The following ATP6V1H variants were observed in gnomAD, a reference collection of about 807,000 sequenced individuals.
ATP6V1H encodes V-type proton ATPase subunit H.
A neutral mutation model predicts 71.7 loss-of-function variants in ATP6V1H; 39 were observed. The ratio of observed to expected loss-of-function variants is 0.54; its 90% CI spans 0.42 to 0.71. ATP6V1H has a LOEUF of 0.71. Among genes scored for constraint, ATP6V1H ranks in the 30% least tolerant of loss-of-function variants. The pLI, the probability that ATP6V1H is intolerant of heterozygous loss-of-function variation, is 0.00. For missense variants in ATP6V1H, 509 were observed against 594.9 expected (o/e 0.86, Z 1.50); for synonymous variants, 192 against 199.3 (o/e 0.96, Z 0.31).
intron 4 of ATP6V1H, among the ~76,000 whole-genome samples, chr8:53,829,053 A>G (rs950861100): frequency 6.6e-6 from 1 of 152,240 alleles, no homozygotes; most frequent in Non-Finnish European, 1.5e-5. Flanking sequence ...CCGAACCTCC[A>G]GGGCCCGGCA....
At chr8:53,793,742 C>T (rs1809641469) in intron 9 of ATP6V1H, among the ~76,000 whole-genome samples, 1 of 152,046 alleles carries the variant, frequency 6.6e-6, no homozygotes, top group South Asian at 2.1e-4. Flanking sequence ...AGTTCGAGAC[C>T]AGCCTGGGAA....
At chr8:53,791,062 T>TG (rs1358481371) in intron 9 of ATP6V1H, among the ~76,000 whole-genome samples, 1 of 148,776 alleles carries the variant, frequency 6.7e-6, no homozygotes, top group East Asian at 2.3e-4. Flanking sequence ...AATGGTAGAA[T>TG]TAAAAAAAAG....
intron 13 of ATP6V1H, among the ~76,000 whole-genome samples, chr8:53,725,276 C>G (rs1295418532): frequency 2.0e-5 from 3 of 152,102 alleles, no homozygotes; most frequent in Non-Finnish European, 2.9e-5. Context: ...GGGCACTCAG[C>G]CCCCTGGCCA....
At chr8:53,795,946 T>C in intron 8 of ATP6V1H, 107 bp from the exon 9 acceptor site, 1 of 993,756 alleles carries the variant, frequency 1.0e-6, no homozygotes, top group Middle Eastern at 2.9e-4. Context: ...CTGAATTATG[T>C]CCTGTTTCTT....
intron 8 of ATP6V1H, among the ~76,000 whole-genome samples, chr8:53,800,823 C>A (rs7843701): frequency 0.09 from 13,675 of 152,128 alleles, 950 homozygotes; most frequent in East Asian, 0.37. Context: ...ATTCTTAGTT[C>A]CGTCAATTTT....
intron 13 of ATP6V1H, among the ~76,000 whole-genome samples, chr8:53,719,332 G>A (rs904798360): frequency 6.6e-6 from 1 of 151,860 alleles, no homozygotes; most frequent in Non-Finnish European, 1.5e-5. Flanking sequence ...CACCACGCTC[G>A]GCTAATTTTT....
chr8:53,769,931 T>A (rs1808595440), intron 10 of ATP6V1H, among the ~76,000 whole-genome samples, 188 bp from the exon 11 acceptor site: 1 of 152,120 alleles, frequency 6.6e-6, no homozygotes. Context: ...GAAATTTTAT[T>A]CAGTGTAGTA....
chr8:53,810,305 G>A (rs531812102), intron 7 of ATP6V1H, among the ~76,000 whole-genome samples: 1 of 152,276 alleles, frequency 6.6e-6, no homozygotes, highest in East Asian at 1.9e-4. Context: ...CAGTTCCTGA[G>A]CTATTCCTAG....
intron 12 of ATP6V1H, among the ~76,000 whole-genome samples, chr8:53,746,740 G>T (rs1416563471): frequency 6.6e-6 from 1 of 151,656 alleles, no homozygotes; most frequent in Non-Finnish European, 1.5e-5. Flanking sequence ...ATTATTTTCA[G>T]ATTATACAAA....
chr8:53,802,384 G>A (rs1809940950), intron 7 of ATP6V1H, among the ~76,000 whole-genome samples: 1 of 152,166 alleles, frequency 6.6e-6, no homozygotes, highest in African/African-American at 2.4e-5. Flanking sequence ...ATCCTCATGA[G>A]AAAAACACTG....
intron 9 of ATP6V1H, among the ~76,000 whole-genome samples, chr8:53,781,466 A>G (rs1257925570): frequency 6.6e-6 from 1 of 152,206 alleles, no homozygotes; most frequent in African/African-American, 2.4e-5. Context: ...GTAGGTTGCA[A>G]AAATGTTCTC....
chr8:53,811,456 T>C (rs1443971690), intron 6 of ATP6V1H, among the ~76,000 whole-genome samples: 1 of 152,312 alleles, frequency 6.6e-6, no homozygotes, highest in East Asian at 1.9e-4. Flanking sequence ...GGAACAATAA[T>C]AAACTGACTA....
intron 13 of ATP6V1H, among the ~76,000 whole-genome samples, chr8:53,722,567 T>C (rs1026302871): frequency 6.6e-6 from 1 of 152,140 alleles, no homozygotes; most frequent in Non-Finnish European, 1.5e-5. Context: ...TTGAATTATA[T>C]TTAGAAAGAC....
At chr8:53,776,042 C>T (rs1808872341) in intron 9 of ATP6V1H, among the ~76,000 whole-genome samples, 1 of 152,210 alleles carries the variant, frequency 6.6e-6, no homozygotes, top group South Asian at 2.1e-4. Flanking sequence ...AGGCCTGCCC[C>T]GCGGGAAGGC....
intron 4 of ATP6V1H, among the ~76,000 whole-genome samples, chr8:53,823,209 C>A (rs1032905102): frequency 6.6e-6 from 1 of 151,826 alleles, no homozygotes; most frequent in Non-Finnish European, 1.5e-5. Context: ...CTCAAGGACA[C>A]CTGGTATATT....
chr8:53,777,014 T>C (rs1808913159), intron 9 of ATP6V1H, among the ~76,000 whole-genome samples: 2 of 152,056 alleles, frequency 1.3e-5, no homozygotes, highest in South Asian at 2.1e-4. Flanking sequence ...CAGAGACAGA[T>C]ACAAAAAAAT....
At chr8:53,747,475 CTTT>C (rs1390403365) in intron 12 of ATP6V1H, among the ~76,000 whole-genome samples, 1 of 150,014 alleles carries the variant, frequency 6.7e-6, no homozygotes, top group African/African-American at 2.5e-5. Context: ...TCTTCTCACT[CTTT>C]TTTATTTTTT....
At chr8:53,791,635 G>A (rs1809567007) in intron 9 of ATP6V1H, among the ~76,000 whole-genome samples, 2 of 152,292 alleles carry the variant, frequency 1.3e-5, no homozygotes, top group South Asian at 4.1e-4. Context: ...GCACTTCCAA[G>A]ATAACTATTC....
chr8:53,807,505 C>T (rs745878092), intron 7 of ATP6V1H, among the ~76,000 whole-genome samples: 6 of 151,924 alleles, frequency 3.9e-5, no homozygotes, highest in Non-Finnish European at 8.8e-5. Context: ...CACTAAAACA[C>T]GGATGAATCT....
Sources: gnomAD v4.1 joint callset for allele counts (sites outside exome capture counted in the v4.1 genomes callset) on GRCh38, gnomAD v4.1.1 for gene constraint, MANE v1.5 for transcripts, NCBI Gene and HGNC (gene_info 2026-07-23, HGNC 2026-07-21) for gene names.